Variants in MMP26 observed in about 807,000 individuals in gnomAD.
The protein encoded by MMP26 is matrix metalloproteinase-26.
A neutral mutation model predicts 31.0 loss-of-function variants in MMP26; 33 were observed. That is an observed-to-expected ratio of 1.06 (90% CI 0.81 to 1.42). MMP26 has a LOEUF of 1.42. Among genes scored for constraint, MMP26 ranks in the 40% most tolerant of loss-of-function variants. The probability of loss-of-function intolerance (pLI) is 0.00; values close to 1 mark genes in which losing one functional copy is unlikely to be tolerated. For synonymous variants in MMP26, 122 were observed against 114.9 expected, an observed-to-expected ratio of 1.06 and a Z score of -0.40; for missense variants, 347 against 316.1, an observed-to-expected ratio of 1.10 and a Z score of -0.74.
chr11:4,877,708 T>C (rs895921968), intron 2 of MMP26: 6 of 152,172 alleles, frequency 3.9e-5, no homozygotes, highest in Non-Finnish European at 7.4e-5. Flanking sequence ...TTAATTTTAA[T>C]TGATTTAAAT....
intron 1 of MMP26, among the ~76,000 whole-genome samples, chr11:4,735,417 C>T (rs777869620): frequency 1.8e-4 from 28 of 152,218 alleles, no homozygotes; most frequent in Admixed American, 6.5e-4. Context: ...GATGTTCCCT[C>T]GAATAGTGTG....
intron 1 of MMP26, among the ~76,000 whole-genome samples, chr11:4,759,926 C>A (rs12276350): frequency 6.6e-6 from 1 of 152,166 alleles, no homozygotes; most frequent in Non-Finnish European, 1.5e-5. Flanking sequence ...CGGCCTCTCG[C>A]TAGTCAAATC....
chr11:4,797,003 T>C (rs527359153), intron 2 of MMP26, among the ~76,000 whole-genome samples: 1 of 152,194 alleles, frequency 6.6e-6, no homozygotes. Context: ...ACTTGCTCAC[T>C]TTTTAAAATC....
At chr11:4,860,422 A>G (rs1185714345) in intron 2 of MMP26, 1 of 471,166 alleles carries the variant, frequency 2.1e-6, no homozygotes, top group East Asian at 7.0e-5. Flanking sequence ...GATGACAGCT[A>G]GGATGGTACC....
chr11:4,948,094 C>T lies in MMP26; in HGVS notation c.-144-39974C>T, dbSNP rs376392734. On this transcript the variant is annotated intron_variant, in intron 2 of 7. Transcript: ENST00000380390. ...CCATTAGACATCACTAATTAAATAT[C>T]CTTAAAACCAACTTGTCCAACTTAT... Among the ~76,000 whole-genome samples the T allele has an allele frequency of 8.8e-5, 11 of 124,304 alleles. 2 individuals are homozygous for T. The highest frequency in any genetic ancestry group is 3.6e-4 in the Admixed American group (4 of 11,186). The allele number at this position is 124,304 out of a possible 152,430, so 81.5% of individuals were successfully genotyped here. A position where few individuals can be genotyped will look rare whatever the true frequency, so the allele number is the denominator to read the frequency against.
intron 2 of MMP26, among the ~76,000 whole-genome samples, chr11:4,977,564 G>C (rs960040885): frequency 6.6e-6 from 1 of 152,124 alleles, no homozygotes; most frequent in Non-Finnish European, 1.5e-5. Flanking sequence ...GAGTGCTTCA[G>C]TTCTGGCAGA....
intron 2 of MMP26, among the ~76,000 whole-genome samples, chr11:4,782,213 T>G (rs765615116): frequency 2.6e-5 from 4 of 152,150 alleles, no homozygotes; most frequent in Non-Finnish European, 1.5e-5. Flanking sequence ...TAGAACTCCC[T>G]AGGGTCTTGT....
At position 4,859,999 on chromosome 11, in the gene MMP26, A is replaced by G. The variant is rs112174626; in HGVS notation, c.-145+92658A>G. 4.0e-3 allele frequency: 1,894 copies of G among 471,102 alleles called. 31 individuals are homozygous for G. Among genetic ancestry groups the G allele is most frequent in the African/African-American group, 0.033 (1,644 of 50,192 alleles). 29.2% of individuals were successfully genotyped at this position (471,102 alleles called of 1,614,324 possible). A position where few individuals can be genotyped will look rare whatever the true frequency, so the allele number is the denominator to read the frequency against. On this transcript the variant is annotated intron_variant, in intron 2 of 7. Transcript: ENST00000380390. ...GTTGATGCGGGTGCTGGCACAAGCTAGCCGCATCATGTTTTGGTGAAGACA... is the reference window on the plus strand; with the variant it reads ...GTTGATGCGGGTGCTGGCACAAGCTGGCCGCATCATGTTTTGGTGAAGACA...
chr11:4,846,089 C>T (rs181274839), intron 2 of MMP26, among the ~76,000 whole-genome samples: 10 of 152,260 alleles, frequency 6.6e-5, no homozygotes, highest in African/African-American at 1.9e-4. Flanking sequence ...ATATTAAAGA[C>T]GTATCTGCAC....
chr11:4,709,683 A>C (rs753823347), intron 1 of MMP26: 1 of 458,232 alleles, frequency 2.2e-6, no homozygotes, highest in African/African-American at 2.0e-5. Context: ...TCTCTATGTC[A>C]TTGCTATCTC....
At chr11:4,955,048 G>A in intron 2 of MMP26, 1 of 1,453,758 alleles carries the variant, frequency 6.9e-7, no homozygotes, top group Non-Finnish European at 9.4e-7. Context: ...CAGTCTTGAG[G>A]ATCAGGGTGT....
intron 2 of MMP26, among the ~76,000 whole-genome samples, chr11:4,819,283 A>T (rs1849461270): frequency 6.6e-6 from 1 of 152,202 alleles, no homozygotes; most frequent in African/African-American, 2.4e-5. Flanking sequence ...TATAGGTGAA[A>T]TATGAGGCTG....
intron 1 of MMP26, chr11:4,722,956 A>G (rs1395833342): frequency 1.3e-6 from 1 of 793,816 alleles, no homozygotes; most frequent in Non-Finnish European, 2.3e-6. Context: ...TTGTATGGAT[A>G]CTCATGTTCT....
At chr11:4,858,779 A>G (rs1850097479) in intron 2 of MMP26, among the ~76,000 whole-genome samples, 1 of 152,176 alleles carries the variant, frequency 6.6e-6, no homozygotes, top group African/African-American at 2.4e-5. Flanking sequence ...ATCCTAAGCC[A>G]AAAAACAAAG....
At chr11:4,787,017 G>C (rs1435273980) in intron 2 of MMP26, 1 of 153,118 alleles carries the variant, frequency 6.5e-6, no homozygotes, top group Admixed American at 6.5e-5. Flanking sequence ...GTGTCCTCTG[G>C]TTCAGTGCAC....
intron 1 of MMP26, among the ~76,000 whole-genome samples, chr11:4,747,158 C>T (rs545209355): frequency 3.3e-4 from 50 of 152,052 alleles, no homozygotes; most frequent in African/African-American, 1.1e-3. Flanking sequence ...TATGTCTAAA[C>T]GAAGTAGCAG....
intron 2 of MMP26, among the ~76,000 whole-genome samples, chr11:4,779,579 C>T (rs557599013): frequency 6.6e-6 from 1 of 152,090 alleles, no homozygotes; most frequent in African/African-American, 2.4e-5. Flanking sequence ...TTTTCCCTTA[C>T]ATTCTTTGGA....
At chr11:4,923,662 G>C (rs34583466) in intron 2 of MMP26, 184,017 of 1,613,890 alleles carry the variant, frequency 0.11, 11,682 homozygotes, top group Middle Eastern at 0.14. Context: ...TGCTGAGCAC[G>C]GTGCGAAGGA....
chr11:4,823,289 C>T (rs1020741538), intron 2 of MMP26, among the ~76,000 whole-genome samples: 1 of 152,126 alleles, frequency 6.6e-6, no homozygotes, highest in South Asian at 2.1e-4. Flanking sequence ...GACTTTCTTA[C>T]ATCTCTTCTA....
Sources: allele counts gnomAD v4.1 joint callset (sites outside exome capture counted in the v4.1 genomes callset), GRCh38; gene constraint gnomAD v4.1.1; transcripts MANE v1.5; gene names NCBI Gene and HGNC (gene_info 2026-07-23, HGNC 2026-07-21).